The following C8B variants were observed in gnomAD, a reference collection of about 807,000 sequenced individuals.
The protein encoded by C8B is complement C8 beta chain.
In C8B, 67 loss-of-function variants were observed where a neutral mutation model predicts 64.6. The ratio of observed to expected loss-of-function variants is 1.04; its 90% CI spans 0.85 to 1.27. The LOEUF (loss-of-function observed/expected upper bound fraction) is 1.27, where lower values mean the gene tolerates loss of function less well. Ranked by LOEUF, C8B falls within the 50% of genes most tolerant of loss-of-function variation. The pLI, the probability that C8B is intolerant of heterozygous loss-of-function variation, is 0.00. For missense variants in C8B, 790 were observed against 725.2 expected, an observed-to-expected ratio of 1.09 and a Z score of -1.03; for synonymous variants, 284 against 257.7, an observed-to-expected ratio of 1.10 and a Z score of -0.98.
In C8B at chr1:56,931,781, C is replaced by T. The variant is rs938953940; in HGVS notation, c.1621+29G>A. 4.0e-6 allele frequency: 6 copies of T among 1,513,658 alleles called. No individual in the cohort carries two copies. The African/African-American group carries it at 6.9e-5, about 17-fold the overall frequency. The allele number at this position is 1,513,658 out of a possible 1,614,324, so 93.8% of individuals were successfully genotyped here. A position where few individuals can be genotyped will look rare whatever the true frequency, so the allele number is the denominator to read the frequency against. ...TTCTGGTGAATTATTCTCTGGACCT[C>T]CCCAGAGTTCCTTTTCCAATTAACT... On this transcript the variant is annotated intron_variant, in intron 11 of 11. Coordinates refer to ENST00000371237, the MANE Select transcript of C8B (RefSeq NM_000066.4).
In C8B at chr1:56,933,444, A is replaced by G. The variant is rs749667478; in HGVS notation, c.1443T>C (p.Tyr481=). ...YELVTATDFA[Y]SSTVRQNMKQ... The stretch of plus-strand genomic sequence containing the variant: ...TCATGTTCTGCCTCACTGTGCTGGA[A>G]TAGGCAAAATCTGTGGCTGTCACTA... Residue 481 remains tyrosine (Y), a synonymous_variant, in exon 10 of 12, where the codon TAT becomes TAC. Coordinates refer to ENST00000371237, the MANE Select transcript of C8B (RefSeq NM_000066.4). The G allele has an allele frequency of 6.2e-7, 1 of 1,613,826 alleles. No homozygotes were observed. The highest frequency in any genetic ancestry group is 1.3e-5 in the African/African-American group (1 of 74,924).
chr1:56,941,786 C>A (rs1644868065), intron 8 of C8B, among the ~76,000 whole-genome samples: 1 of 152,172 alleles, frequency 6.6e-6, no homozygotes, highest in Non-Finnish European at 1.5e-5. Context: ...GCCACTGTTC[C>A]TTGGTCAAAT....
In C8B at chr1:56,939,952, G is replaced by A. The variant is rs79121245; in HGVS notation, c.1398+897C>T. On this transcript the variant is annotated intron_variant, in intron 9 of 11. Coordinates refer to ENST00000371237, the MANE Select transcript of C8B (RefSeq NM_000066.4). ...TGAAGAAATATTTCTAAAGAGGGTCGTGAATATATTAGGTGCTCAAGACAT... is the reference window on the plus strand; with the variant it reads ...TGAAGAAATATTTCTAAAGAGGGTCATGAATATATTAGGTGCTCAAGACAT... 8.9e-3 allele frequency among the ~76,000 whole-genome samples: 1,362 copies of A among 152,230 alleles called. 7 individuals are homozygous for A. The highest frequency in any genetic ancestry group is 0.015 in the Non-Finnish European group (996 of 68,018).
In C8B at chr1:56,966,014, C is replaced by T. The variant is rs1010663263; in HGVS notation, c.-66G>A. On this transcript the variant is annotated 5_prime_UTR_variant, in exon 1 of 12. Transcript: ENST00000371237. The stretch of plus-strand genomic sequence containing the variant: ...CCATAACAAGCCTGTGCTGTGAGTG[C>T]CACTGTCAGCTTCTGTCCCCAAGAG... 1.6e-5 allele frequency: 25 copies of T among 1,610,752 alleles called. No individual in the cohort carries two copies. Among genetic ancestry groups the T allele is most frequent in the South Asian group, 1.3e-4 (12 of 90,808 alleles).
intron 10 of C8B, among the ~76,000 whole-genome samples, chr1:56,932,082 C>T (rs2101352629): frequency 6.6e-6 from 1 of 152,274 alleles, no homozygotes; most frequent in East Asian, 1.9e-4. Context: ...TATTGTCATC[C>T]CTAGGAATAC....
intron 7 of C8B, among the ~76,000 whole-genome samples, chr1:56,944,131 A>G (rs1644907652): frequency 6.6e-6 from 1 of 152,220 alleles, no homozygotes; most frequent in African/African-American, 2.4e-5. Flanking sequence ...TTGATTCTCT[A>G]GGGATAGATC....
intron 9 of C8B, among the ~76,000 whole-genome samples, chr1:56,938,309 A>G (rs547601398): frequency 1.2e-3 from 186 of 152,278 alleles, no homozygotes; most frequent in Non-Finnish European, 1.9e-3. Flanking sequence ...TGCAATGTCA[A>G]TTCTGTCGTT....
chr1:56,961,342 T>C (rs750959855), intron 1 of C8B, among the ~76,000 whole-genome samples: 34 of 152,352 alleles, frequency 2.2e-4, no homozygotes, highest in Non-Finnish European at 4.3e-4. Context: ...CTGTGCTCAA[T>C]GGCCCAGCAT....
chr1:56,951,029 G>C (rs1256787640), intron 5 of C8B, among the ~76,000 whole-genome samples: 1 of 152,076 alleles, frequency 6.6e-6, no homozygotes, highest in Non-Finnish European at 1.5e-5. Context: ...TAAAAAGTGT[G>C]TTGGGGAGGA....
chr1:56,929,398 C>T lies in C8B; in HGVS notation c.*6G>A. 1.2e-6 allele frequency: 2 copies of T among 1,612,032 alleles called. No individual in the cohort carries two copies. Among genetic ancestry groups the T allele is most frequent in the East Asian group, 2.2e-5 (1 of 44,874 alleles). Reference sequence around the variant, plus strand: ...CATTGTATGTAGCCCACTGCTGTATCATCTGCTAGGAGCAGTCAAGTGTTT... The same window carrying T: ...CATTGTATGTAGCCCACTGCTGTATTATCTGCTAGGAGCAGTCAAGTGTTT... On this transcript the variant is annotated 3_prime_UTR_variant, in exon 12 of 12. Transcript: ENST00000371237.
At chr1:56,943,961 T>A in intron 7 of C8B, 137 bp from the exon 8 acceptor site, 1 of 943,612 alleles carries the variant, frequency 1.1e-6, no homozygotes, top group Non-Finnish European at 1.6e-6. Flanking sequence ...ACCAGCCTGA[T>A]AACAAGAAAT....
chr1:56,956,743 C>G, intron 3 of C8B, 26 bp downstream of exon 3: 1 of 1,612,558 alleles, frequency 6.2e-7, no homozygotes, highest in Non-Finnish European at 8.5e-7. Flanking sequence ...CAGGCTTTCC[C>G]CTCTTACTCC....
At position 56,931,562 on chromosome 1, in the gene C8B, C is replaced by T. The variant is rs373965122; in HGVS notation, c.1621+248G>A. 1.8e-5 allele frequency: 8 copies of T among 438,946 alleles called. No individual in the cohort carries two copies. The East Asian group carries it at 2.9e-4, about 16-fold the overall frequency. The allele number at this position is 438,946 out of a possible 1,614,324, so 27.2% of individuals were successfully genotyped here. ...ATTCCAGAATGATCCAAAGAGATGG[C>T]TTACAAAAGCCACGCATTGATATTT... On this transcript the variant is annotated intron_variant, in intron 11 of 11. Transcript: ENST00000371237.
At chr1:56,956,037 A>G (rs985158925) in intron 3 of C8B, among the ~76,000 whole-genome samples, 1 of 152,132 alleles carries the variant, frequency 6.6e-6, no homozygotes, top group Non-Finnish European at 1.5e-5. Context: ...CAGTCTATCC[A>G]TCTGTCCTTT....
intron 1 of C8B, among the ~76,000 whole-genome samples, chr1:56,960,419 A>T (rs965705455): frequency 6.6e-6 from 1 of 152,240 alleles, no homozygotes; most frequent in Admixed American, 6.5e-5. Flanking sequence ...TTAATCCAAC[A>T]AATATTTATT....
At chr1:56,959,489 AGGT>A in intron 2 of C8B, 1 of 1,183,498 alleles carries the variant, frequency 8.4e-7, no homozygotes, top group Non-Finnish European at 1.2e-6. Flanking sequence ...AATTGTGAGT[AGGT>A]GTTCACCAGT....
chr1:56,948,397 T>A (rs984206204), intron 6 of C8B, among the ~76,000 whole-genome samples: 8 of 152,204 alleles, frequency 5.3e-5, no homozygotes, highest in African/African-American at 1.9e-4. Flanking sequence ...GAGAGCCAGA[T>A]ATGATTCTGG....
At chr1:56,960,911 T>A (rs1473295577) in intron 1 of C8B, among the ~76,000 whole-genome samples, 2 of 151,910 alleles carry the variant, frequency 1.3e-5, no homozygotes, top group African/African-American at 4.8e-5. Flanking sequence ...ACTCATTTAG[T>A]AAATAGTTCC....
intron 2 of C8B, among the ~76,000 whole-genome samples, chr1:56,958,795 A>T (rs1234365914): frequency 1.3e-5 from 2 of 152,188 alleles, no homozygotes; most frequent in African/African-American, 4.8e-5. Flanking sequence ...CTACTTTGGG[A>T]ACTGAATGAT....
Sources: allele counts gnomAD v4.1 joint callset (sites outside exome capture counted in the v4.1 genomes callset), GRCh38; gene constraint gnomAD v4.1.1; transcripts MANE v1.5; gene names NCBI Gene and HGNC (gene_info 2026-07-23, HGNC 2026-07-21).